Variants in BAIAP2L2 observed in about 807,000 individuals in gnomAD.
The protein encoded by BAIAP2L2 is BAR/IMD domain-containing adapter protein 2-like 2.
In BAIAP2L2, 65 loss-of-function variants were observed where a neutral mutation model predicts 60.4. That is an observed-to-expected ratio of 1.08 (90% CI 0.88 to 1.32). The LOEUF is 1.32. Among genes scored for constraint, BAIAP2L2 ranks in the 40% most tolerant of loss-of-function variants. The pLI, the probability that BAIAP2L2 is intolerant of heterozygous loss-of-function variation, is 0.00. For missense variants in BAIAP2L2, 836 were observed against 741.2 expected, an observed-to-expected ratio of 1.13 and a Z score of -1.48; for synonymous variants, 344 against 301.7, an observed-to-expected ratio of 1.14 and a Z score of -1.45.
rs927201443 is a variant in BAIAP2L2 at position 38,088,761 on chromosome 22, C to T, written c.1105G>A (p.Glu369Lys). ...AQNGWLYGKLEGSSASGWFPE... is the reference protein window; with the variant it reads ...AQNGWLYGKLKGSSASGWFPE... The stretch of plus-strand genomic sequence containing the variant: ...GCTCCCACTCACGCGGACGAGCCCT[C>T]CAGCTTGCCGTAGAGCCAGCCGTTC... The change falls in exon 10 of 14, where the codon GAG becomes AAG. Residue 369 changes from glutamate (E) to lysine (K), a missense_variant. Coordinates refer to ENST00000381669, the MANE Select transcript of BAIAP2L2 (RefSeq NM_025045.6). The T allele has an allele frequency of 3.8e-6, 6 of 1,599,364 alleles. No individual in the cohort carries two copies. The highest frequency in any genetic ancestry group is 5.1e-6 in the Non-Finnish European group (6 of 1,179,088).
At chr22:38,106,907 G>A (rs1177423649) in intron 4 of BAIAP2L2, among the ~76,000 whole-genome samples, 1 of 152,184 alleles carries the variant, frequency 6.6e-6, no homozygotes, top group African/African-American at 2.4e-5. Context: ...GGAGAGGAAG[G>A]AAGGCTCTGC....
At chr22:38,110,122 A>AGAGAGAGAGGGAGG (rs1569234368) in intron 1 of BAIAP2L2, among the ~76,000 whole-genome samples, 1 of 75,060 alleles carries the variant, frequency 1.3e-5, no homozygotes, top group Non-Finnish European at 2.3e-5. Flanking sequence ...AGAGAGAGGG[A>AGAGAGAGAGGGAGG]GAGAGAGAGA....
At chr22:38,091,587 A>G (rs2086301653) in intron 7 of BAIAP2L2, 1 of 152,210 alleles carries the variant, frequency 6.6e-6, no homozygotes, top group Non-Finnish European at 1.5e-5. Flanking sequence ...AAACCATCAG[A>G]GAGGCCATGG....
rs1264760788 is a variant in BAIAP2L2, at chr22:38,107,744, C to A, written c.276+108G>T. The A allele has an allele frequency of 2.8e-6, 3 of 1,065,992 alleles. No individual in the cohort carries two copies. In the Admixed American group the frequency reaches 5.3e-5, roughly 19 times the overall value. The allele number at this position is 1,065,992 out of a possible 1,614,324, so 66.0% of individuals were successfully genotyped here. ...CAGAGCCGGGTGCTGGGAAGGGCAG[C>A]CACGGTCATCCTCCCTGGGAAGGGC... On this transcript the variant is annotated intron_variant, in intron 4 of 13. Transcript: ENST00000381669.
Position 38,085,227 on chromosome 22 carries a change from G to A in BAIAP2L2, c.*73C>T. 1.3e-6 allele frequency: 2 copies of A among 1,497,004 alleles called. No homozygotes were observed. The highest frequency in any genetic ancestry group is 1.8e-6 in the Non-Finnish European group (2 of 1,082,934). The allele number at this position is 1,497,004 out of a possible 1,614,324, so 92.7% of individuals were successfully genotyped here. ...GCTTCTTGGATCTGCTGCTGTTGCT[G>A]CTGTCGCTGCCATTGCCAGCTCTGA... is the stretch of plus-strand genomic sequence containing the variant. On this transcript the variant is annotated 3_prime_UTR_variant, in exon 14 of 14. Coordinates refer to ENST00000381669, the MANE Select transcript of BAIAP2L2 (RefSeq NM_025045.6).
intron 11 of BAIAP2L2, 121 bp downstream of exon 11, chr22:38,087,003 A>C (rs1370522375): frequency 7.8e-7 from 1 of 1,276,584 alleles, no homozygotes; most frequent in African/African-American, 1.7e-5. Context: ...CTCAAAAAAA[A>C]AAAAACAAAA....
rs1458595587 is a variant in BAIAP2L2 at position 38,087,261 on chromosome 22, G to A, written c.1122C>T (p.Ser374=). The A allele has an allele frequency of 2.8e-5, 45 of 1,602,718 alleles. No homozygotes were observed. Among genetic ancestry groups the A allele is most frequent in the Non-Finnish European group, 3.7e-5 (43 of 1,175,318 alleles). Residue 374 remains serine, a synonymous_variant, in exon 11 of 14, where the codon AGC becomes AGT. Transcript: ENST00000381669. Reference sequence around the variant, plus strand: ...TCACGTACGCCTCGGGGAACCAACCGCTCCTGTGGGGTAGAGGCAGAGGAC... The same window carrying A: ...TCACGTACGCCTCGGGGAACCAACCACTCCTGTGGGGTAGAGGCAGAGGAC... ...LYGKLEGSSA[S]GWFPEAYVKA...
chr22:38,108,521 G>A (rs1454699721), intron 2 of BAIAP2L2, among the ~76,000 whole-genome samples, 180 bp from the exon 3 acceptor site: 1 of 152,186 alleles, frequency 6.6e-6, no homozygotes, highest in Non-Finnish European at 1.5e-5. Flanking sequence ...TAAGGTGAGG[G>A]CTGGGGGCAG....
chr22:38,109,111 G>T, intron 2 of BAIAP2L2, 22 bp downstream of exon 2: 1 of 1,597,948 alleles, frequency 6.3e-7, no homozygotes, highest in Non-Finnish European at 8.6e-7. Context: ...GCTGGGGCTC[G>T]GTGGCCCGGG....
intron 2 of BAIAP2L2, 74 bp from the exon 3 acceptor site, chr22:38,108,415 A>G: frequency 1.7e-6 from 2 of 1,207,424 alleles, no homozygotes; most frequent in Non-Finnish European, 2.4e-6. Flanking sequence ...TTTCATCTGG[A>G]GGGGACTGTG....
Position 38,085,723 on chromosome 22 carries a change from A to C in BAIAP2L2, c.1477T>G (p.Ser493Ala). Residue 493 changes from serine (S) to alanine (A), a missense_variant, in exon 13 of 14, where the codon TCC (serine) becomes GCC (alanine). Transcript: ENST00000381669. Reference sequence around the variant, plus strand: ...TCCTGTGGTGGGTACTGCTCTGAGGACATCAGTTTCTGCAGTGGGGGTGGG... The same window carrying C: ...TCCTGTGGTGGGTACTGCTCTGAGGCCATCAGTTTCTGCAGTGGGGGTGGG... ...AVATDVKKLMSSEQYPPQELF... is the reference protein window; with the variant it reads ...AVATDVKKLMASEQYPPQELF... The C allele has an allele frequency of 1.2e-6, 2 of 1,600,206 alleles. No homozygotes were observed. The highest frequency in any genetic ancestry group is 1.7e-6 in the Non-Finnish European group (2 of 1,175,096).
chr22:38,109,552 T>C (rs1468443388), intron 1 of BAIAP2L2, among the ~76,000 whole-genome samples: 1 of 152,104 alleles, frequency 6.6e-6, no homozygotes, highest in Non-Finnish European at 1.5e-5. Context: ...CCTGCTGTGG[T>C]CCCCACTGGG....
At chr22:38,092,957 A>G (rs1046513602) in intron 7 of BAIAP2L2, among the ~76,000 whole-genome samples, 1 of 152,060 alleles carries the variant, frequency 6.6e-6, no homozygotes, top group Non-Finnish European at 1.5e-5. Context: ...ACCTGAGGTC[A>G]GGAGTTCAAG....
chr22:38,094,406 G>A (rs770429209), intron 7 of BAIAP2L2, among the ~76,000 whole-genome samples: 9 of 152,066 alleles, frequency 5.9e-5, no homozygotes, highest in Admixed American at 2.6e-4. Flanking sequence ...GGGTGGCCTC[G>A]AACTCCTGTC....
chr22:38,086,606 G>A (rs957121998), intron 11 of BAIAP2L2, among the ~76,000 whole-genome samples, 157 bp from the exon 12 acceptor site: 1 of 152,118 alleles, frequency 6.6e-6, no homozygotes, highest in African/African-American at 2.4e-5. Flanking sequence ...GTCCTGAGAG[G>A]AGGCAGAGGG....
chr22:38,085,154 C>T lies in BAIAP2L2; in HGVS notation c.*146G>A. 1.3e-6 allele frequency: 1 copy of T among 770,152 alleles called. No homozygotes were observed. The highest frequency in any genetic ancestry group is 2.3e-5 in the Admixed American group (1 of 42,848). 47.7% of individuals were successfully genotyped at this position (770,152 alleles called of 1,614,324 possible). On this transcript the variant is annotated 3_prime_UTR_variant, in exon 14 of 14. Transcript: ENST00000381669. ...AGCCAGTGCTTTGGAGCTGCTCAGG[C>T]TGCCGGGGTGGTCTGGGGAGGGCAG...
chr22:38,097,262 C>G, intron 6 of BAIAP2L2, 84 bp from the exon 7 acceptor site: 1 of 1,509,446 alleles, frequency 6.6e-7, no homozygotes, highest in Non-Finnish European at 9.1e-7. Flanking sequence ...GCTGTTCAAG[C>G]CCCCTGTTCT....
Position 38,085,667 on chromosome 22 carries a change from C to T in BAIAP2L2, c.1514+19G>A. On this transcript the variant is annotated intron_variant, in intron 13 of 13. Transcript: ENST00000381669. ...CCTGCCACCCTCCTCACTGTTTGGGCCCCCATGTGAGGACTCACCTCGGGA... is the reference window on the plus strand; with the variant it reads ...CCTGCCACCCTCCTCACTGTTTGGGTCCCCATGTGAGGACTCACCTCGGGA... 1 of 1,612,300 alleles carries T rather than the reference C, an allele frequency of 6.2e-7. No homozygotes were observed. Among genetic ancestry groups the T allele is most frequent in the Non-Finnish European group, 8.5e-7 (1 of 1,178,974 alleles).
intron 8 of BAIAP2L2, 112 bp from the exon 9 acceptor site, chr22:38,089,343 C>T: frequency 1.8e-6 from 1 of 560,298 alleles, no homozygotes; most frequent in Non-Finnish European, 2.6e-6. Flanking sequence ...GTTCTGGGGG[C>T]GGAGACCGGG....
Sources: gnomAD v4.1 joint callset for allele counts (sites outside exome capture counted in the v4.1 genomes callset) on GRCh38, gnomAD v4.1.1 for gene constraint, MANE v1.5 for transcripts, NCBI Gene and HGNC (gene_info 2026-07-23, HGNC 2026-07-21) for gene names.